The following ING5 variants were observed in gnomAD, a reference collection of about 807,000 sequenced individuals.
The protein encoded by ING5 is inhibitor of growth protein 5.
ING5 carries 17 observed loss-of-function variants against 37.4 expected under a neutral mutation model. The ratio of observed to expected loss-of-function variants is 0.45; its 90% CI spans 0.31 to 0.68. ING5 has a LOEUF of 0.68. ING5 is among the 30% of genes least tolerant of loss of function. The pLI is 0.05. For missense variants in ING5, 233 were observed against 311.9 expected (o/e 0.75, Z 1.91); for synonymous variants, 123 against 116.6 (o/e 1.06, Z -0.36).
At chr2:241,709,080 C>T (rs2070019333) in intron 2 of ING5, 136 bp from the exon 3 acceptor site, 1 of 937,586 alleles carries the variant, frequency 1.1e-6, no homozygotes, top group Admixed American at 2.3e-5. Flanking sequence ...CTTGCGCTCC[C>T]ACCAGCACAG....
At chr2:241,703,402 G>A (rs2069804254) in intron 1 of ING5, among the ~76,000 whole-genome samples, 1 of 152,132 alleles carries the variant, frequency 6.6e-6, no homozygotes, top group African/African-American at 2.4e-5. Context: ...GCAGGGGGCG[G>A]AGGTTGGCCT....
At chr2:241,691,465 C>A (rs148221699) in intron 2 of ING5, among the ~76,000 whole-genome samples, 3,861 of 151,028 alleles carry the variant, frequency 0.026, 74 homozygotes, top group Middle Eastern at 0.065. Flanking sequence ...AACAAAAAAA[C>A]TGAAGGAGCA....
chr2:241,693,664 T>C (rs1324313318), intron 2 of ING5, among the ~76,000 whole-genome samples: 2 of 140,598 alleles, frequency 1.4e-5, no homozygotes, highest in Non-Finnish European at 3.1e-5. Context: ...TTTTTTTTTT[T>C]TTTTTTTTTT....
At chr2:241,715,115 T>G (rs1435808171) in intron 5 of ING5, among the ~76,000 whole-genome samples, 3 of 152,206 alleles carry the variant, frequency 2.0e-5, no homozygotes, top group Admixed American at 2.0e-4. Flanking sequence ...ACTCCACAAA[T>G]TTTGATATAT....
At chr2:241,691,453 AAAAC>A (rs1159492462) in intron 2 of ING5, among the ~76,000 whole-genome samples, 5 of 148,408 alleles carry the variant, frequency 3.4e-5, no homozygotes, top group Non-Finnish European at 7.4e-5. Flanking sequence ...AAAAAAAACA[AAAAC>A]AAAAAAACTG....
intron 2 of ING5, among the ~76,000 whole-genome samples, chr2:241,693,057 G>A (rs889212178): frequency 2.6e-5 from 4 of 151,932 alleles, no homozygotes; most frequent in Admixed American, 6.6e-5. Flanking sequence ...TCAGGAGCTC[G>A]AGACCAGCCT....
Position 241,702,303 on chromosome 2 carries a change from C to T in ING5, c.37+201C>T, listed in dbSNP as rs1399547837. On this transcript the variant is annotated intron_variant, in intron 1 of 7. Coordinates refer to ENST00000313552, the MANE Select transcript of ING5 (RefSeq NM_032329.6). The stretch of plus-strand genomic sequence containing the variant: ...GCGCGGGGGGCGGGCGCGGGGGGTC[C>T]CGCCGGCTGGGTCGCGCCAATTCCA... Among the ~76,000 whole-genome samples the T allele has an allele frequency of 8.0e-5, 12 of 149,676 alleles. No individual in the cohort carries two copies. In the East Asian group the frequency reaches 2.3e-3, roughly 29 times the overall value.
chr2:241,714,999 TTCTAC>T (rs2070223485), intron 5 of ING5, among the ~76,000 whole-genome samples: 1 of 152,176 alleles, frequency 6.6e-6, no homozygotes, highest in South Asian at 2.1e-4. Context: ...ATTTCCTGTT[TTCTAC>T]TCAGGTTTAC....
chr2:241,712,454 C>T (rs921566895), intron 5 of ING5: 2 of 176,914 alleles, frequency 1.1e-5, no homozygotes, highest in African/African-American at 4.7e-5. Flanking sequence ...AGCTAGATTT[C>T]TGTATATCTG....
upstream of ING5, among the ~76,000 whole-genome samples, chr2:241,699,862 C>T (rs989129306): frequency 6.6e-6 from 1 of 152,056 alleles, no homozygotes; most frequent in Non-Finnish European, 1.5e-5. Context: ...AGCTTGGGGG[C>T]GTCCAGTGGT....
At chr2:241,722,130 G>GCATGA (rs1559313969) in intron 5 of ING5, 27 of 985,260 alleles carry the variant, frequency 2.7e-5, no homozygotes, top group Non-Finnish European at 2.9e-5. Flanking sequence ...AGGACGCATG[G>GCATGA]CTGTTCTCTT....
At chr2:241,698,801 T>C (rs2069670041), upstream of ING5, among the ~76,000 whole-genome samples, 1 of 152,116 alleles carries the variant, frequency 6.6e-6, no homozygotes, top group South Asian at 2.1e-4. Flanking sequence ...TGATTTTGGC[T>C]CACCGCAGCC....
chr2:241,709,565 T>TG lies in ING5; in HGVS notation c.276+183_276+184insG, dbSNP rs573428679. 2.6e-3 allele frequency among the ~76,000 whole-genome samples: 387 copies of TG among 151,460 alleles called. 2 individuals are homozygous for TG. The highest frequency in any genetic ancestry group is 0.01 in the Middle Eastern group (3 of 294). Reference sequence around the variant, plus strand: ...TGTAGGACCATCCCTGTTTTTTTTTTTTTTTTTTCTGGGCCCTTTTTGTTT... The same window carrying TG: ...TGTAGGACCATCCCTGTTTTTTTTTTGTTTTTTTTCTGGGCCCTTTTTGTTT... On this transcript the variant is annotated intron_variant, in intron 3 of 7. Transcript: ENST00000313552.
chr2:241,721,936 A>G (rs2070446177), intron 5 of ING5: 3 of 985,886 alleles, frequency 3.0e-6, no homozygotes, highest in Non-Finnish European at 3.6e-6. Context: ...GCTGCTGTGT[A>G]GAAACCCACG....
chr2:241,697,529 G>A (rs904332008), upstream of ING5, among the ~76,000 whole-genome samples: 1 of 151,998 alleles, frequency 6.6e-6, no homozygotes, highest in African/African-American at 2.4e-5. Flanking sequence ...ATTAAGCCAC[G>A]GAAAGGCACG....
At chr2:241,721,334 G>C in intron 5 of ING5, 1 of 985,518 alleles carries the variant, frequency 1.0e-6, no homozygotes, top group Non-Finnish European at 1.2e-6. Context: ...CTGGACTTGT[G>C]ACGCTGATGG....
In ING5 at chr2:241,692,306, A is replaced by T. The variant is rs1036660318; in HGVS notation, c.43+1653A>T. Among the ~76,000 whole-genome samples the T allele has an allele frequency of 6.0e-5, 9 of 151,004 alleles. 1 individual carries two copies. The highest frequency in any genetic ancestry group is 1.9e-4 in the African/African-American group (8 of 41,134). ...CTTTTCCCTTTGAGATTTTTTTTTT[A>T]TTTTAATTTTTTTTTCTTTTTAGAG... On this transcript the variant is annotated intron_variant, in intron 2 of 7. Coordinates refer to the ING5 transcript ENST00000636051.
intron 2 of ING5, among the ~76,000 whole-genome samples, chr2:241,707,653 C>T (rs945354467): frequency 6.6e-6 from 1 of 152,168 alleles, no homozygotes; most frequent in African/African-American, 2.4e-5. Flanking sequence ...AGCATCTTGA[C>T]TAGGGAATAC....
upstream of ING5, among the ~76,000 whole-genome samples, chr2:241,699,805 GAC>G (rs1428439602): frequency 6.6e-6 from 1 of 151,954 alleles, no homozygotes; most frequent in Admixed American, 6.6e-5. Context: ...ACTGGGAAGT[GAC>G]ACACCTCACC....
Sources: allele counts gnomAD v4.1 joint callset (sites outside exome capture counted in the v4.1 genomes callset), GRCh38; gene constraint gnomAD v4.1.1; transcripts MANE v1.5; gene names NCBI Gene and HGNC (gene_info 2026-07-23, HGNC 2026-07-21).